Variants in RFX3 observed in about 807,000 individuals in gnomAD.
The protein encoded by RFX3 is transcription factor RFX3.
Under a neutral mutation model 98.6 loss-of-function variants are expected in RFX3, and 14 were observed. That is an observed-to-expected ratio of 0.14 (90% confidence interval 0.09 to 0.22). The LOEUF (loss-of-function observed/expected upper bound fraction) is 0.22, where lower values mean the gene tolerates loss of function less well. Among genes scored for constraint, RFX3 ranks in the 10% least tolerant of loss-of-function variants. The probability of loss-of-function intolerance (pLI) is 1.00; values close to 1 mark genes in which losing one functional copy is unlikely to be tolerated. For synonymous variants in RFX3, 383 were observed against 328.4 expected (o/e 1.17, Z -1.80); for missense variants, 639 against 926.9 (o/e 0.69, Z 4.03).
At chr9:3,376,185 C>T (rs1011932800) in intron 2 of RFX3, among the ~76,000 whole-genome samples, 2 of 152,032 alleles carry the variant, frequency 1.3e-5, no homozygotes, top group Non-Finnish European at 2.9e-5. Flanking sequence ...ATTGGCAATA[C>T]CAAGTTTGAC....
chr9:3,237,664 A>T (rs927296399), intron 15 of RFX3, among the ~76,000 whole-genome samples: 1 of 152,196 alleles, frequency 6.6e-6, no homozygotes, highest in Admixed American at 6.5e-5. Context: ...TACCTAAATT[A>T]ATCTTCACAA....
chr9:3,486,445 C>T (rs1587836135), intron 1 of RFX3, among the ~76,000 whole-genome samples: 1 of 152,088 alleles, frequency 6.6e-6, no homozygotes, highest in Non-Finnish European at 1.5e-5. Flanking sequence ...AGTTCTTTCC[C>T]CTCCTTTCCT....
intron 1 of RFX3, among the ~76,000 whole-genome samples, chr9:3,403,683 C>A (rs1841689642): frequency 6.6e-6 from 1 of 151,852 alleles, no homozygotes; most frequent in South Asian, 2.1e-4. Flanking sequence ...GACTAATTAC[C>A]AAAAACTAAA....
chr9:3,421,838 T>C (rs902266158), intron 1 of RFX3, among the ~76,000 whole-genome samples: 1 of 152,206 alleles, frequency 6.6e-6, no homozygotes, highest in African/African-American at 2.4e-5. Flanking sequence ...CCTAATGCAA[T>C]GGCACCTAAG....
intron 15 of RFX3, chr9:3,247,095 G>A: frequency 3.0e-6 from 3 of 984,900 alleles, no homozygotes; most frequent in Non-Finnish European, 3.6e-6. Context: ...AAGTGAACAT[G>A]TCTTTTTTAC....
At chr9:3,505,622 A>G (rs987809458) in intron 1 of RFX3, among the ~76,000 whole-genome samples, 2 of 150,748 alleles carry the variant, frequency 1.3e-5, no homozygotes, top group Non-Finnish European at 3.0e-5. Context: ...CCAAAGTATC[A>G]ATATTATATT....
rs570025251 is a variant in RFX3 at position 3,465,850 on chromosome 9, AG to A, written c.-9+59896del. The stretch of plus-strand genomic sequence containing the variant: ...AAGCAAAAGTGGACTCAAAGGAGAT[AG>A]GGGAACTTGACTATTCCTAAAAATC... On this transcript the variant is annotated intron_variant, in intron 1 of 16. Coordinates refer to ENST00000617270, the MANE Select transcript of RFX3 (RefSeq NM_001282116.2). Among the ~76,000 whole-genome samples the A allele has an allele frequency of 1.2e-3, 181 of 152,264 alleles. 1 individual carries two copies. Among genetic ancestry groups the A allele is most frequent in the African/African-American group, 4.1e-3 (170 of 41,560 alleles).
At position 3,271,018 on chromosome 9, in the gene RFX3, G is replaced by A. The variant is rs41314211; in HGVS notation, c.1187C>T (p.Thr396Ile). 13,228 of 1,613,560 alleles carry A rather than the reference G, an allele frequency of 8.2e-3. 81 individuals carry two copies. Among genetic ancestry groups the A allele is most frequent in the Non-Finnish European group, 9.4e-3 (11,043 of 1,179,584 alleles). Reference protein sequence around the residue: ...YSPSTPTDGTTITESSNLSEI... With the variant: ...YSPSTPTDGTIITESSNLSEI... ...TGATTCTGACCTCGATTCGGTAATGGTAGTGCCATCAGTTGGAGTAGAGGG... is the reference window on the plus strand; with the variant it reads ...TGATTCTGACCTCGATTCGGTAATGATAGTGCCATCAGTTGGAGTAGAGGG... Residue 396 changes from threonine to isoleucine, a missense_variant, in exon 10 of 17, where the codon ACC becomes ATC. By Grantham distance (89) the Thr-to-Ile change is moderately conservative. Coordinates refer to ENST00000617270, the MANE Select transcript of RFX3 (RefSeq NM_001282116.2).
At chr9:3,344,424 T>C (rs1292197756) in intron 3 of RFX3, among the ~76,000 whole-genome samples, 1 of 152,150 alleles carries the variant, frequency 6.6e-6, no homozygotes, top group Non-Finnish European at 1.5e-5. Flanking sequence ...CCTTGAGCAT[T>C]ATGTTGGTGC....
chr9:3,424,833 A>C (rs1843850760), intron 1 of RFX3, among the ~76,000 whole-genome samples: 1 of 152,236 alleles, frequency 6.6e-6, no homozygotes, highest in African/African-American at 2.4e-5. Context: ...TCACATCCTG[A>C]GATTTTCTCA....
At chr9:3,304,691 C>G (rs942913351) in intron 4 of RFX3, among the ~76,000 whole-genome samples, 2 of 151,954 alleles carry the variant, frequency 1.3e-5, no homozygotes, top group Admixed American at 6.6e-5. Flanking sequence ...TTCTCTCTTG[C>G]CTGCTGCCAT....
chr9:3,309,435 G>A (rs1829714816), intron 4 of RFX3, among the ~76,000 whole-genome samples: 1 of 152,160 alleles, frequency 6.6e-6, no homozygotes, highest in African/African-American at 2.4e-5. Context: ...AGATGCTAAT[G>A]CTGCCTTGTT....
chr9:3,331,287 T>A (rs1176571239), intron 3 of RFX3, among the ~76,000 whole-genome samples: 1 of 152,202 alleles, frequency 6.6e-6, no homozygotes, highest in Non-Finnish European at 1.5e-5. Context: ...TATGACACTG[T>A]TGGCCACTCC....
intron 15 of RFX3, among the ~76,000 whole-genome samples, chr9:3,242,980 C>A (rs1413694982): frequency 4.0e-5 from 6 of 151,646 alleles, no homozygotes; most frequent in Non-Finnish European, 7.4e-5. Flanking sequence ...GTAACAAAAT[C>A]ATTTTATGAA....
chr9:3,351,782 T>C (rs1835165418), intron 2 of RFX3, among the ~76,000 whole-genome samples: 1 of 151,896 alleles, frequency 6.6e-6, no homozygotes, highest in Non-Finnish European at 1.5e-5. Flanking sequence ...ACTATAAAAA[T>C]TACCAAAGGG....
chr9:3,519,270 G>C (rs1222521892), intron 1 of RFX3, among the ~76,000 whole-genome samples: 1 of 152,164 alleles, frequency 6.6e-6, no homozygotes, highest in Non-Finnish European at 1.5e-5. Flanking sequence ...TTAATTCAGT[G>C]TGATAAGACT....
chr9:3,481,213 T>C (rs957900875), intron 1 of RFX3, among the ~76,000 whole-genome samples: 1 of 152,268 alleles, frequency 6.6e-6, no homozygotes, highest in African/African-American at 2.4e-5. Context: ...TGCCCATAGT[T>C]ACACAGCCAG....
chr9:3,335,267 C>T (rs1833034580), intron 3 of RFX3, among the ~76,000 whole-genome samples: 1 of 152,014 alleles, frequency 6.6e-6, no homozygotes, highest in Non-Finnish European at 1.5e-5. Flanking sequence ...AAGGTTTTTT[C>T]CATGTCTAAA....
At chr9:3,321,414 C>G (rs886549547) in intron 4 of RFX3, among the ~76,000 whole-genome samples, 12 of 152,130 alleles carry the variant, frequency 7.9e-5, no homozygotes, top group Non-Finnish European at 1.3e-4. Context: ...TTGAGAGTAC[C>G]TATTTCCTTG....
Sources: allele counts gnomAD v4.1 joint callset (sites outside exome capture counted in the v4.1 genomes callset), GRCh38; gene constraint gnomAD v4.1.1; transcripts MANE v1.5; gene names NCBI Gene and HGNC (gene_info 2026-07-23, HGNC 2026-07-21).